TRAPPC2L: variants seen among roughly 807,000 people sequenced by gnomAD.
The protein encoded by TRAPPC2L is trafficking protein particle complex subunit 2-like protein.
In TRAPPC2L, 17 loss-of-function variants were observed where a neutral mutation model predicts 13.2. The ratio of observed to expected loss-of-function variants is 1.29; its 90% CI spans 0.88 to 1.93. The LOEUF (loss-of-function observed/expected upper bound fraction) is 1.93. Among genes scored for constraint, TRAPPC2L ranks in the 30% most tolerant of loss-of-function variants. The pLI, the probability that TRAPPC2L is intolerant of heterozygous loss-of-function variation, is 0.00. For missense variants in TRAPPC2L, 359 were observed against 252.1 expected (o/e 1.42, Z -2.87); for synonymous variants, 150 against 98.1 (o/e 1.53, Z -3.12).
chr16:88,857,615 G>C (rs1436458123), intron 1 of TRAPPC2L, among the ~76,000 whole-genome samples: 6 of 152,264 alleles, frequency 3.9e-5, no homozygotes, highest in Admixed American at 3.9e-4. Flanking sequence ...TGAGACCTCT[G>C]CAGTGGCTTC....
chr16:88,858,776 C>G, exon 2 of TRAPPC2L: 1 of 1,613,276 alleles, frequency 6.2e-7, no homozygotes, highest in Non-Finnish European at 8.5e-7. Context: ...CTCTACCCCA[C>G]GGAGGACTAC....
upstream of TRAPPC2L, chr16:88,856,491 C>A: frequency 1.4e-6 from 1 of 699,666 alleles, no homozygotes. Flanking sequence ...AGCACAGTGG[C>A]AGCGCGTGTG....
rs986471412 is a variant in TRAPPC2L at position 88,860,399 on chromosome 16, A to T, written c.*75A>T. ...TCCGAATAGTCCACAAAGTAAACAG[A>T]TTTAACTTTTGAACATCATGAGGGA... On this transcript the variant is annotated 3_prime_UTR_variant, in exon 4 of 4. Coordinates refer to ENST00000565504, the Ensembl canonical transcript of TRAPPC2L. 9.8e-6 allele frequency: 6 copies of T among 612,358 alleles called. No individual in the cohort carries two copies. In the Admixed American group the frequency reaches 1.7e-4, roughly 17 times the overall value. 37.9% of individuals were successfully genotyped at this position (612,358 alleles called of 1,614,324 possible).
chr16:88,861,025 T>A, exon 4 of TRAPPC2L: 1 of 1,501,036 alleles, frequency 6.7e-7, no homozygotes, highest in Non-Finnish European at 9.0e-7. Flanking sequence ...GTCGGTCTGT[T>A]CTGGTTGCCT....
At chr16:88,857,918 A>T (rs1406379708) in intron 1 of TRAPPC2L, among the ~76,000 whole-genome samples, 1 of 152,104 alleles carries the variant, frequency 6.6e-6, no homozygotes, top group Non-Finnish European at 1.5e-5. Flanking sequence ...CCGAGACCAG[A>T]CTCGAGACCG....
chr16:88,859,625 C>A, intron 2 of TRAPPC2L, 38 bp from the exon 3 acceptor site: 1 of 1,593,386 alleles, frequency 6.3e-7, no homozygotes, highest in Non-Finnish European at 8.6e-7. Context: ...CACCGGCAGT[C>A]CCTGTGTTAC....
chr16:88,861,049 A>G (rs1033468292), exon 4 of TRAPPC2L: 1 of 1,317,502 alleles, frequency 7.6e-7, no homozygotes, highest in East Asian at 2.5e-5. Flanking sequence ...CCTGAATGGG[A>G]CGCCTGGGGC....
chr16:88,858,563 C>G (rs1597622432), intron 1 of TRAPPC2L, 56 bp from the exon 2 acceptor site: 1 of 1,579,272 alleles, frequency 6.3e-7, no homozygotes, highest in Non-Finnish European at 8.6e-7. Flanking sequence ...TAGTTCAGAG[C>G]TGGTGTGCGC....
upstream of TRAPPC2L, chr16:88,856,900 C>A (rs1013341014): frequency 4.0e-6 from 6 of 1,499,878 alleles, no homozygotes; most frequent in Non-Finnish European, 5.3e-6. Context: ...AGCCGCGGAG[C>A]CCCGGCCAGC....
chr16:88,861,204 CAG>C, exon 4 of TRAPPC2L: 1 of 539,492 alleles, frequency 1.9e-6, no homozygotes, highest in Admixed American at 3.1e-5. Context: ...GGTTTGGGAT[CAG>C]ATGGCGCAGG....
chr16:88,857,165 C>G (rs748351026), exon 1 of TRAPPC2L: 8 of 1,582,396 alleles, frequency 5.1e-6, no homozygotes, highest in Non-Finnish European at 6.8e-6. Flanking sequence ...CGGTGTGCAT[C>G]GCGGTGATTG....
exon 4 of TRAPPC2L, chr16:88,860,086 A>G (rs1375018404): frequency 1.0e-6 from 1 of 981,762 alleles, no homozygotes; most frequent in Non-Finnish European, 1.6e-6. Flanking sequence ...TTTTTAAGCT[A>G]TGAGCACCAT....
exon 4 of TRAPPC2L, chr16:88,860,139 C>T (rs1455871343): frequency 2.8e-6 from 2 of 725,726 alleles, no homozygotes; most frequent in Non-Finnish European, 4.9e-6. Flanking sequence ...CCCCGTTTCT[C>T]CACACCAACT....
At chr16:88,856,835 G>C, upstream of TRAPPC2L, 1 of 1,521,148 alleles carries the variant, frequency 6.6e-7, no homozygotes, top group Non-Finnish European at 8.7e-7. Context: ...CTGAGCACCA[G>C]CAACAGCTGC....
intron 1 of TRAPPC2L, 27 bp from the exon 2 acceptor site, chr16:88,858,592 T>G (rs774081866): frequency 4.0e-5 from 65 of 1,607,606 alleles, no homozygotes; most frequent in Non-Finnish European, 5.3e-5. Context: ...GTCTTGTCCT[T>G]TCAGTCGCCG....
At chr16:88,860,743 A>G in exon 4 of TRAPPC2L, 1 of 704,108 alleles carries the variant, frequency 1.4e-6, no homozygotes, top group African/African-American at 1.8e-5. Flanking sequence ...ATGGGTTCTC[A>G]GTGCCCGGTG....
intron 2 of TRAPPC2L, chr16:88,859,020 G>A (rs1968190713): frequency 3.6e-6 from 2 of 559,006 alleles, no homozygotes; most frequent in Non-Finnish European, 6.4e-6. Flanking sequence ...TGGTTTGCAC[G>A]TGTCCGTTGT....
upstream of TRAPPC2L, chr16:88,856,270 G>C: frequency 1.4e-6 from 1 of 703,044 alleles, no homozygotes; most frequent in Non-Finnish European, 2.6e-6. Context: ...CCAGCGGGGG[G>C]ACCCGGCGGC....
intron 1 of TRAPPC2L, among the ~76,000 whole-genome samples, chr16:88,858,017 C>G (rs147763982): frequency 0.019 from 2,908 of 152,258 alleles, 45 homozygotes; most frequent in Non-Finnish European, 0.026. Context: ...GGTTTATTGA[C>G]TAGGTATCAC....
Sources: allele counts gnomAD v4.1 joint callset (sites outside exome capture counted in the v4.1 genomes callset), GRCh38; gene constraint gnomAD v4.1.1; transcripts MANE v1.5; gene names NCBI Gene and HGNC (gene_info 2026-07-23, HGNC 2026-07-21).